Variants in USP54 observed in about 807,000 individuals in gnomAD.
USP54 encodes ubiquitin specific peptidase 54.
USP54 carries 87 observed loss-of-function variants against 170.5 expected under a neutral mutation model. The observed-to-expected ratio is 0.51, with a 90% CI of 0.43 to 0.61. The LOEUF (loss-of-function observed/expected upper bound fraction) is 0.61. Among genes scored for constraint, USP54 ranks in the 20% least tolerant of loss-of-function variants. The pLI, the probability that USP54 is intolerant of heterozygous loss-of-function variation, is 0.00. For missense variants in USP54, 1,786 were observed against 2,047.8 expected (o/e 0.87, Z 2.47); for synonymous variants, 655 against 742.8 (o/e 0.88, Z 1.92).
intron 15 of USP54, 149 bp downstream of exon 15, chr10:73,529,531 G>T: frequency 1.2e-6 from 1 of 832,664 alleles, no homozygotes; most frequent in South Asian, 1.4e-5. Context: ...TTCCAGCAGA[G>T]GGTGCTGTTG....
chr10:73,545,034 CAG>C lies in USP54; in HGVS notation c.375+502_375+503del, dbSNP rs529030225. Among the ~76,000 whole-genome samples the C allele has an allele frequency of 3.2e-4, 48 of 152,230 alleles. 1 individual carries two copies. The East Asian group carries it at 8.7e-3, about 28-fold the overall frequency. ...GCCTCAAATTTTCTAAATGGATTTA[CAG>C]AGAGTCTTTCGAAGGTTGATGTATA... On this transcript the variant is annotated intron_variant, in intron 5 of 23. Transcript: ENST00000687698.
intron 4 of USP54, among the ~76,000 whole-genome samples, chr10:73,566,404 T>G (rs145700222): frequency 2.0e-5 from 3 of 151,890 alleles, no homozygotes; most frequent in African/African-American, 7.2e-5. Context: ...AAAATTAGAT[T>G]AAGAATAAAT....
At chr10:73,500,589 T>C (rs1458662926) in intron 23 of USP54, 66 bp downstream of exon 23, 4 of 1,473,370 alleles carry the variant, frequency 2.7e-6, no homozygotes, top group Non-Finnish European at 3.6e-6. Context: ...TATACTGATT[T>C]GACCCTTGGA....
rs1351752526 is a variant in USP54, at chr10:73,575,530, G to A, written c.129C>T (p.Phe43=). Residue 43 remains phenylalanine, a synonymous_variant, in exon 3 of 24, where the codon TTC becomes TTT. Transcript: ENST00000687698. ...CCCTTACCTGCAGGGCACTGTTGAG[G>A]AAGCAGCTGTTTTGCCCTGGCTCAT... ...LSNEPGQNSC[F]LNSALQVLWH... is the part of the protein sequence containing the mutation. The A allele has an allele frequency of 6.2e-7, 1 of 1,611,814 alleles. No individual in the cohort carries two copies. The highest frequency in any genetic ancestry group is 1.3e-5 in the African/African-American group (1 of 74,774).
intron 4 of USP54, among the ~76,000 whole-genome samples, chr10:73,556,401 C>T (rs2071056496): frequency 6.7e-6 from 1 of 148,636 alleles, no homozygotes; most frequent in Non-Finnish European, 1.5e-5. Flanking sequence ...AACAATCATG[C>T]AGTGGCACCA....
chr10:73,580,095 G>A (rs527600584), intron 1 of USP54, among the ~76,000 whole-genome samples: 15 of 151,948 alleles, frequency 9.9e-5, no homozygotes, highest in Admixed American at 3.3e-4. Context: ...AGGCTGAGGC[G>A]GGTGGATCAC....
At chr10:73,533,536 T>C (rs2064505452) in intron 12 of USP54, among the ~76,000 whole-genome samples, 1 of 151,370 alleles carries the variant, frequency 6.6e-6, no homozygotes, top group African/African-American at 2.4e-5. Flanking sequence ...TGAATATCTT[T>C]GAAATTCTTG....
chr10:73,567,698 T>C (rs1473669525), intron 4 of USP54, among the ~76,000 whole-genome samples: 2 of 152,134 alleles, frequency 1.3e-5, no homozygotes, highest in African/African-American at 4.8e-5. Flanking sequence ...CAGAACTGAA[T>C]GTTATGCCTT....
In USP54 at chr10:73,577,451, A is replaced by C. The variant is rs573761635; in HGVS notation, c.-581-1090T>G. Among the ~76,000 whole-genome samples the C allele has an allele frequency of 2.6e-5, 4 of 152,302 alleles. No homozygotes were observed. The South Asian group carries it at 8.3e-4, about 32-fold the overall frequency. ...ATTAAAGTATTTGATTATACAGCCTACTGTCACATTATTCTCTATTTTTAT... is the reference window on the plus strand; with the variant it reads ...ATTAAAGTATTTGATTATACAGCCTCCTGTCACATTATTCTCTATTTTTAT... On this transcript the variant is annotated intron_variant, in intron 1 of 23. Transcript: ENST00000687698.
intron 4 of USP54, among the ~76,000 whole-genome samples, chr10:73,550,048 C>A (rs933208144): frequency 2.0e-5 from 3 of 152,122 alleles, no homozygotes; most frequent in African/African-American, 7.2e-5. Context: ...CTCAGCCTCC[C>A]AAGTAGCTGG....
chr10:73,607,830 CAA>C (rs770614076), intron 1 of USP54, among the ~76,000 whole-genome samples: 20 of 59,500 alleles, frequency 3.4e-4, no homozygotes, highest in African/African-American at 6.4e-4. Context: ...GACTCCGTCT[CAA>C]AAAAAAAAAA....
intron 12 of USP54, among the ~76,000 whole-genome samples, 188 bp downstream of exon 12, chr10:73,534,412 G>A (rs1229170851): frequency 1.3e-5 from 2 of 151,902 alleles, no homozygotes; most frequent in South Asian, 4.2e-4. Context: ...GAGTTTCACC[G>A]TGTGTTAGCC....
At chr10:73,624,923 C>G (rs906807061) in intron 1 of USP54, among the ~76,000 whole-genome samples, 2 of 152,118 alleles carry the variant, frequency 1.3e-5, no homozygotes, top group African/African-American at 4.8e-5. Context: ...GTTTTACATC[C>G]AAATAACTAA....
At chr10:73,621,313 G>A (rs2081069709) in intron 1 of USP54, among the ~76,000 whole-genome samples, 1 of 149,042 alleles carries the variant, frequency 6.7e-6, no homozygotes, top group Non-Finnish European at 1.5e-5. Context: ...AAAAACTACA[G>A]TATGAAGGCG....
At chr10:73,570,013 A>T (rs906174794) in intron 4 of USP54, among the ~76,000 whole-genome samples, 7 of 151,178 alleles carry the variant, frequency 4.6e-5, no homozygotes, top group African/African-American at 1.7e-4. Flanking sequence ...AACTGGGAAA[A>T]TCTAAAGTTT....
intron 4 of USP54, among the ~76,000 whole-genome samples, chr10:73,569,748 G>A (rs558406231): frequency 5.7e-5 from 8 of 140,424 alleles, no homozygotes; most frequent in Admixed American, 2.9e-4. Context: ...GTGAAAATCC[G>A]TCTCAAAAAA....
Position 73,530,290 on chromosome 10 carries a change from T to G in USP54, c.1681A>C (p.Ser561Arg). The G allele has an allele frequency of 6.2e-7, 1 of 1,614,210 alleles. No individual in the cohort carries two copies. The highest frequency in any genetic ancestry group is 8.5e-7 in the Non-Finnish European group (1 of 1,180,052). Residue 561 changes from serine to arginine, a missense_variant, in exon 14 of 24, where the codon AGC becomes CGC. By Grantham distance (110) the Ser-to-Arg change is moderately radical (BLOSUM62 -1). Coordinates refer to ENST00000687698, the MANE Select transcript of USP54 (RefSeq NM_001391956.1). ...GAAGAACTGGATTTTGACTCACTGC[T>G]GGTACTCTCTATTTCCCAGTCACGA... ...HSRDWEIEST[S>R]SESKSSSSSK...
At chr10:73,605,512 G>A (rs375712163) in intron 1 of USP54, among the ~76,000 whole-genome samples, 6 of 152,206 alleles carry the variant, frequency 3.9e-5, no homozygotes, top group African/African-American at 9.6e-5. Context: ...GGGCAACAGA[G>A]CAAGACTCTG....
In USP54 at chr10:73,528,572, C is replaced by CT. The variant is rs1263435994; in HGVS notation, c.2060+1107dup. On this transcript the variant is annotated intron_variant, in intron 15 of 23. Transcript: ENST00000687698. Reference sequence around the variant, plus strand: ...CGGCAGGCCTAGTCCGTTTTTGTTTCTTTTTTTTTTTTTTGAGATGGAGCC... The same window carrying CT: ...CGGCAGGCCTAGTCCGTTTTTGTTTCTTTTTTTTTTTTTTTGAGATGGAGCC... Among the ~76,000 whole-genome samples the CT allele has an allele frequency of 2.2e-3, 317 of 142,146 alleles. 3 individuals carry two copies. Among genetic ancestry groups the CT allele is most frequent in the East Asian group, 0.022 (109 of 4,938 alleles). 93.3% of individuals were successfully genotyped at this position (142,146 alleles called of 152,430 possible).
Sources: allele counts gnomAD v4.1 joint callset (sites outside exome capture counted in the v4.1 genomes callset), GRCh38; gene constraint gnomAD v4.1.1; transcripts MANE v1.5; gene names NCBI Gene and HGNC (gene_info 2026-07-23, HGNC 2026-07-21).